The following GADL1 variants were observed in gnomAD, a reference collection of about 807,000 sequenced individuals.
GADL1 encodes GAD like acidic amino acid decarboxylase 1, also known as acidic amino acid decarboxylase GADL1.
In GADL1, 71 loss-of-function variants were observed where a neutral mutation model predicts 69.5. That is an observed-to-expected ratio of 1.02 (90% CI 0.84 to 1.25). GADL1 has a LOEUF of 1.25. Ranked by LOEUF, GADL1 falls within the 50% of genes most tolerant of loss-of-function variation. The pLI, the probability that GADL1 is intolerant of heterozygous loss-of-function variation, is 0.00. For synonymous variants in GADL1, 254 were observed against 214.4 expected (o/e 1.18, Z -1.62); for missense variants, 737 against 631.8 (o/e 1.17, Z -1.79).
intron 14 of GADL1, among the ~76,000 whole-genome samples, chr3:30,743,987 G>T (rs1695664030): frequency 6.6e-6 from 1 of 152,202 alleles, no homozygotes; most frequent in African/African-American, 2.4e-5. Flanking sequence ...GAGCAGAGCA[G>T]AGCTGTGACT....
chr3:30,824,713 GTATAA>G (rs1697653524), intron 11 of GADL1, among the ~76,000 whole-genome samples: 1 of 150,624 alleles, frequency 6.6e-6, no homozygotes, highest in Non-Finnish European at 1.5e-5. Flanking sequence ...GATTCTATTT[GTATAA>G]AATTCAAAAA....
chr3:30,869,762 C>T (rs1344801268), intron 1 of GADL1, among the ~76,000 whole-genome samples: 1 of 151,650 alleles, frequency 6.6e-6, no homozygotes, highest in Non-Finnish European at 1.5e-5. Context: ...ATGAGATAGT[C>T]ATAAAATATT....
At chr3:30,794,927 T>G (rs1022497153) in intron 12 of GADL1, among the ~76,000 whole-genome samples, 5 of 152,198 alleles carry the variant, frequency 3.3e-5, no homozygotes, top group African/African-American at 1.2e-4. Context: ...GGAATCAGTG[T>G]AATTCTTCCT....
rs1440085609 is a variant in GADL1 at position 30,850,051 on chromosome 3, A to AT, written c.595dup (p.Ile199AsnfsTer2). The AT allele has an allele frequency of 3.7e-6, 6 of 1,612,174 alleles. No individual in the cohort carries two copies. The African/African-American group carries it at 8.0e-5, about 22-fold the overall frequency. ...CGAACCAGACAGCCCCTTTTCCTTA[A>AT]TATCAGGACAATATTTGTATCTAGC... On this transcript the variant is annotated frameshift_variant, in exon 6 of 15. Transcript: ENST00000282538. LOFTEE classifies it high-confidence loss of function.
intron 11 of GADL1, among the ~76,000 whole-genome samples, chr3:30,825,389 A>G (rs1222608825): frequency 1.3e-5 from 2 of 151,950 alleles, no homozygotes; most frequent in East Asian, 3.9e-4. Context: ...ACAAAATTAG[A>G]ACACTTATTC....
At chr3:30,863,903 G>A (rs1698358358) in intron 1 of GADL1, among the ~76,000 whole-genome samples, 1 of 151,994 alleles carries the variant, frequency 6.6e-6, no homozygotes, top group Admixed American at 6.6e-5. Context: ...GAAAGCACCA[G>A]ATAAAAATGT....
At chr3:30,761,498 G>A (rs1254146850) in intron 14 of GADL1, among the ~76,000 whole-genome samples, 1 of 152,058 alleles carries the variant, frequency 6.6e-6, no homozygotes, top group Non-Finnish European at 1.5e-5. Flanking sequence ...TTACTGCATG[G>A]TATATTTTAG....
rs752508984 is a variant in GADL1 at position 30,728,413 on chromosome 3, C to T, written c.1395G>A (p.Val465=). ...GPEFWAKLNL[V]APAIKERMMK... ...TCATCCTCTCCTTAATGGCTGGGGC[C>T]ACCTGTGTGGGGAGAAAAGGGGAGA... is the stretch of plus-strand genomic sequence containing the variant. The change falls in exon 15 of 15, where the codon GTG becomes GTA. Residue 465 remains valine (V), a splice_region_variant and synonymous_variant. Transcript: ENST00000282538. The T allele has an allele frequency of 1.2e-6, 2 of 1,613,250 alleles. No homozygotes were observed. Among genetic ancestry groups the T allele is most frequent in the Non-Finnish European group, 1.7e-6 (2 of 1,179,548 alleles).
At chr3:30,744,343 T>C (rs920506237) in intron 14 of GADL1, among the ~76,000 whole-genome samples, 2 of 152,132 alleles carry the variant, frequency 1.3e-5, no homozygotes, top group Non-Finnish European at 2.9e-5. Context: ...ATTCAAGGAG[T>C]ATCTACCATC....
chr3:30,874,108 G>T (rs549064348), intron 1 of GADL1, among the ~76,000 whole-genome samples: 1 of 152,048 alleles, frequency 6.6e-6, no homozygotes, highest in East Asian at 1.9e-4. Context: ...TTGCAAATCT[G>T]GGGCCAGAGC....
chr3:30,743,690 G>T (rs1192666832), intron 14 of GADL1, among the ~76,000 whole-genome samples: 1 of 152,096 alleles, frequency 6.6e-6, no homozygotes. Context: ...TTTTCTAGTT[G>T]GTAAATGTGA....
intron 8 of GADL1, among the ~76,000 whole-genome samples, chr3:30,842,822 T>TAA (rs558126002): frequency 0.03 from 3,065 of 103,242 alleles, 197 homozygotes; most frequent in East Asian, 0.27. Context: ...TTGGAATGTT[T>TAA]AAAAAAAAAA....
chr3:30,762,528 A>C (rs1246633117), intron 14 of GADL1, among the ~76,000 whole-genome samples: 2 of 152,178 alleles, frequency 1.3e-5, no homozygotes, highest in African/African-American at 4.8e-5. Context: ...CTGGGGGTAC[A>C]TAAGATGTTT....
intron 1 of GADL1, among the ~76,000 whole-genome samples, chr3:30,871,965 GAGT>G (rs1698489419): frequency 1.3e-5 from 2 of 151,962 alleles, no homozygotes; most frequent in Admixed American, 1.3e-4. Flanking sequence ...CTTTTCAAGA[GAGT>G]AGATTTTTCA....
intron 1 of GADL1, among the ~76,000 whole-genome samples, chr3:30,875,264 C>T (rs1698562180): frequency 6.6e-6 from 1 of 151,014 alleles, no homozygotes; most frequent in Non-Finnish European, 1.5e-5. Flanking sequence ...GTTGTCACAT[C>T]ATTGCAAAGT....
chr3:30,863,967 C>T (rs1698359070), intron 1 of GADL1, among the ~76,000 whole-genome samples: 1 of 152,040 alleles, frequency 6.6e-6, no homozygotes, highest in Non-Finnish European at 1.5e-5. Context: ...AAGGATCAAT[C>T]TTTTGTCCTC....
chr3:30,773,538 T>G (rs80199699), intron 14 of GADL1, among the ~76,000 whole-genome samples: 11 of 152,168 alleles, frequency 7.2e-5, no homozygotes, highest in African/African-American at 2.7e-4. Context: ...GTATTTTACA[T>G]GTACTTAAGT....
rs1698238133 is a variant in GADL1 at position 30,856,955 on chromosome 3, C to T, written c.337+60G>A. On this transcript the variant is annotated intron_variant, in intron 3 of 14. Coordinates refer to ENST00000282538, the MANE Select transcript of GADL1 (RefSeq NM_207359.3). ...CATTGCTATACTCAGCTTTGAGAGG[C>T]TTTGCAAACATAAGAACTTGTCAGA... 8.5e-6 allele frequency: 12 copies of T among 1,419,078 alleles called. No individual in the cohort carries two copies. The South Asian group carries it at 1.4e-4, about 17-fold the overall frequency. 87.9% of individuals were successfully genotyped at this position (1,419,078 alleles called of 1,614,324 possible).
rs116403307 is a variant in GADL1 at position 30,734,323 on chromosome 3, A to C, written c.1393-5908T>G. On this transcript the variant is annotated intron_variant, in intron 14 of 14. Transcript: ENST00000282538. ...GCTCAACAATATGTCTCATACAAAT[A>C]CTTCTTAAAACCTAATGAATATTCT... Among the ~76,000 whole-genome samples, 4 of 152,206 alleles carry C rather than the reference A, an allele frequency of 2.6e-5. No individual in the cohort carries two copies. In the East Asian group the frequency reaches 7.7e-4, roughly 29 times the overall value.
Sources: allele counts gnomAD v4.1 joint callset (sites outside exome capture counted in the v4.1 genomes callset), GRCh38; gene constraint gnomAD v4.1.1; transcripts MANE v1.5; gene names NCBI Gene and HGNC (gene_info 2026-07-23, HGNC 2026-07-21).